The following BRINP1 variants were observed in gnomAD, a reference collection of about 807,000 sequenced individuals.
BRINP1 encodes BMP/retinoic acid inducible neural specific 1.
A neutral mutation model predicts 72.9 loss-of-function variants in BRINP1; 17 were observed. That is an observed-to-expected ratio of 0.23 (90% CI 0.16 to 0.35). The LOEUF (loss-of-function observed/expected upper bound fraction) is 0.35, where lower values mean the gene tolerates loss of function less well. Among genes scored for constraint, BRINP1 ranks in the 10% least tolerant of loss-of-function variants. BRINP1 has a pLI of 1.00. For synonymous variants in BRINP1, 418 were observed against 378.5 expected, an observed-to-expected ratio of 1.10 and a Z score of -1.21; for missense variants, 850 against 1,001.6, an observed-to-expected ratio of 0.85 and a Z score of 2.04.
chr9:119,306,639 TA>T (rs1189962964), intron 2 of BRINP1, among the ~76,000 whole-genome samples: 1 of 152,214 alleles, frequency 6.6e-6, no homozygotes, highest in Non-Finnish European at 1.5e-5. Flanking sequence ...TATCTGGACC[TA>T]ACAATGGAGG....
Position 119,351,674 on chromosome 9 carries a change from C to T in BRINP1, c.-51+17382G>A, listed in dbSNP as rs1047019834. ...TGAAGCTTACAGTCCTAGGAAAGAC[C>T]GATGTTTAGGGGCTTATTTTCTGAC... On this transcript the variant is annotated intron_variant, in intron 1 of 7. Transcript: ENST00000265922. Among the ~76,000 whole-genome samples, 3 of 152,110 alleles carry T rather than the reference C, an allele frequency of 2.0e-5. No homozygotes were observed. In the East Asian group the frequency reaches 5.8e-4, roughly 29 times the overall value.
intron 1 of BRINP1, among the ~76,000 whole-genome samples, chr9:119,358,666 C>T (rs891961765): frequency 4.6e-5 from 7 of 151,830 alleles, no homozygotes; most frequent in African/African-American, 1.5e-4. Context: ...TGCACTCCAG[C>T]GTGGGCGACA....
intron 3 of BRINP1, among the ~76,000 whole-genome samples, chr9:119,247,530 C>G (rs978298361): frequency 1.1e-4 from 17 of 152,028 alleles, no homozygotes; most frequent in African/African-American, 4.1e-4. Flanking sequence ...TGGTGGGCGC[C>G]TGTAGTCCCA....
rs116195929 is a variant in BRINP1, at chr9:119,257,302, G to C, written c.219-8152C>G. Among the ~76,000 whole-genome samples, 681 of 152,304 alleles carry C rather than the reference G, an allele frequency of 4.5e-3. 5 individuals carry two copies. The highest frequency in any genetic ancestry group is 0.016 in the African/African-American group (646 of 41,582). On this transcript the variant is annotated intron_variant, in intron 2 of 7. Transcript: ENST00000265922. ...TTCTGAACAATATTCCTGTGAGTTT[G>C]ATGGGCTCAAGGTAGCCTAATGCAT...
At chr9:119,284,542 A>T (rs1162035807) in intron 2 of BRINP1, among the ~76,000 whole-genome samples, 1 of 151,952 alleles carries the variant, frequency 6.6e-6, no homozygotes, top group Non-Finnish European at 1.5e-5. Flanking sequence ...AAATACAAGG[A>T]ATTATAATGA....
intron 2 of BRINP1, among the ~76,000 whole-genome samples, chr9:119,310,560 A>G (rs926917317): frequency 5.3e-5 from 8 of 152,174 alleles, no homozygotes; most frequent in South Asian, 2.1e-4. Context: ...AAGGAGAGAA[A>G]GCTTCTTCCC....
chr9:119,304,396 C>T (rs1278464669), intron 2 of BRINP1, among the ~76,000 whole-genome samples: 1 of 152,156 alleles, frequency 6.6e-6, no homozygotes, highest in Non-Finnish European at 1.5e-5. Flanking sequence ...CAAAAGGTTA[C>T]ACACTAACTT....
intron 2 of BRINP1, among the ~76,000 whole-genome samples, chr9:119,261,700 A>G (rs1004922488): frequency 4.6e-5 from 7 of 152,150 alleles, no homozygotes; most frequent in African/African-American, 1.7e-4. Flanking sequence ...TATTTCTGCA[A>G]GCTCACATGG....
At chr9:119,341,758 A>C (rs914768551) in intron 1 of BRINP1, among the ~76,000 whole-genome samples, 1 of 152,110 alleles carries the variant, frequency 6.6e-6, no homozygotes, top group African/African-American at 2.4e-5. Flanking sequence ...GTCCAAGAGC[A>C]TCTGTATTAT....
At chr9:119,217,681 G>A (rs1276490366) in intron 5 of BRINP1, among the ~76,000 whole-genome samples, 1 of 151,990 alleles carries the variant, frequency 6.6e-6, no homozygotes, top group African/African-American at 2.4e-5. Flanking sequence ...CCTTCGACAG[G>A]TGCATCTCAC....
At chr9:119,296,456 A>G (rs1830879009) in intron 2 of BRINP1, among the ~76,000 whole-genome samples, 1 of 152,234 alleles carries the variant, frequency 6.6e-6, no homozygotes, top group African/African-American at 2.4e-5. Context: ...AACAGTATGG[A>G]AGTTCTTCAA....
chr9:119,333,788 G>C (rs1298692940), intron 1 of BRINP1, among the ~76,000 whole-genome samples: 1 of 152,062 alleles, frequency 6.6e-6, no homozygotes, highest in Non-Finnish European at 1.5e-5. Context: ...AAAGGAACAA[G>C]GTGTTTCATT....
intron 3 of BRINP1, among the ~76,000 whole-genome samples, chr9:119,243,453 T>C (rs1023167262): frequency 3.3e-5 from 5 of 152,226 alleles, no homozygotes; most frequent in South Asian, 2.1e-4. Context: ...CAGTCTATCA[T>C]TGATAGGCAT....
chr9:119,286,540 A>C (rs1464246473), intron 2 of BRINP1, among the ~76,000 whole-genome samples: 2 of 152,220 alleles, frequency 1.3e-5, no homozygotes, highest in African/African-American at 4.8e-5. Context: ...GGCCATCGCC[A>C]TCATCATTTT....
chr9:119,335,197 G>C (rs1330089835), intron 1 of BRINP1, among the ~76,000 whole-genome samples: 5 of 152,166 alleles, frequency 3.3e-5, no homozygotes, highest in Non-Finnish European at 5.9e-5. Flanking sequence ...ACCTAAGGCT[G>C]CTTGAGCCAA....
chr9:119,329,198 A>G (rs552946712), intron 1 of BRINP1, among the ~76,000 whole-genome samples: 94 of 152,276 alleles, frequency 6.2e-4, no homozygotes, highest in African/African-American at 2.2e-3. Flanking sequence ...GCAAATAGAT[A>G]AAACACTTAA....
intron 1 of BRINP1, among the ~76,000 whole-genome samples, chr9:119,329,248 A>G (rs72761775): frequency 1.2e-3 from 187 of 152,292 alleles, no homozygotes; most frequent in Non-Finnish European, 2.1e-3. Flanking sequence ...TTACTCATCA[A>G]AAGTTCTGAC....
chr9:119,186,651 C>T (rs1292399240), intron 7 of BRINP1, among the ~76,000 whole-genome samples: 2 of 152,200 alleles, frequency 1.3e-5, no homozygotes, highest in Non-Finnish European at 2.9e-5. Context: ...CTTGGCTGAT[C>T]TGTATCACCT....
chr9:119,333,328 T>C (rs1005464395), intron 1 of BRINP1, among the ~76,000 whole-genome samples: 8 of 151,844 alleles, frequency 5.3e-5, no homozygotes, highest in African/African-American at 1.9e-4. Context: ...CCAGGCATGG[T>C]GGTGCACGCC....
Sources: gnomAD v4.1 joint callset for allele counts (sites outside exome capture counted in the v4.1 genomes callset) on GRCh38, gnomAD v4.1.1 for gene constraint, MANE v1.5 for transcripts, NCBI Gene and HGNC (gene_info 2026-07-23, HGNC 2026-07-21) for gene names.